The following PAM variants were observed in gnomAD, a reference collection of about 807,000 sequenced individuals.
The protein encoded by PAM is peptidyl-glycine alpha-amidating monooxygenase.
A neutral mutation model predicts 122.1 loss-of-function variants in PAM; 72 were observed. The ratio of observed to expected loss-of-function variants is 0.59; its 90% CI spans 0.49 to 0.72. The LOEUF (loss-of-function observed/expected upper bound fraction) is 0.72, where lower values mean the gene tolerates loss of function less well. Ranked by LOEUF, PAM falls within the 30% of genes least tolerant of loss-of-function variation. The pLI is 0.00. For synonymous variants in PAM, 389 were observed against 404.4 expected (o/e 0.96, Z 0.46); for missense variants, 1,106 against 1,183.7 (o/e 0.93, Z 0.96).
At chr5:102,840,712 C>T (rs958131297) in intron 1 of PAM, among the ~76,000 whole-genome samples, 2 of 152,152 alleles carry the variant, frequency 1.3e-5, no homozygotes, top group African/African-American at 2.4e-5. Flanking sequence ...TGATGCAGCC[C>T]CCATTCTCAT....
intron 1 of PAM, among the ~76,000 whole-genome samples, chr5:102,825,099 C>T (rs2150360262): frequency 6.6e-6 from 1 of 152,266 alleles, no homozygotes; most frequent in South Asian, 2.1e-4. Context: ...GGCTCCTGAC[C>T]TGTAACATTT....
intron 3 of PAM, among the ~76,000 whole-genome samples, chr5:102,896,737 A>G (rs1203098408): frequency 6.6e-6 from 1 of 151,720 alleles, no homozygotes; most frequent in African/African-American, 2.4e-5. Context: ...TAAGAAAAAG[A>G]AAACTGGGAA....
intron 1 of PAM, among the ~76,000 whole-genome samples, chr5:102,854,728 TA>T (rs531289407): frequency 1.3e-4 from 20 of 152,300 alleles, no homozygotes; most frequent in South Asian, 2.1e-4. Flanking sequence ...CACTTCTTCC[TA>T]AGCTCAAGAC....
intron 1 of PAM, among the ~76,000 whole-genome samples, chr5:102,758,079 T>TG (rs1751105525): frequency 1.6e-4 from 5 of 30,562 alleles, no homozygotes; most frequent in Non-Finnish European, 2.5e-4. Flanking sequence ...TTTTGTTTTT[T>TG]TTTTTTTTTT....
chr5:102,911,180 A>T (rs533796752), intron 4 of PAM, among the ~76,000 whole-genome samples: 1 of 151,978 alleles, frequency 6.6e-6, no homozygotes, highest in Non-Finnish European at 1.5e-5. Context: ...AATGAATTGT[A>T]CTTTGAGCTA....
At chr5:102,824,491 A>C (rs537173735) in intron 1 of PAM, among the ~76,000 whole-genome samples, 1 of 152,288 alleles carries the variant, frequency 6.6e-6, no homozygotes, top group South Asian at 2.1e-4. Context: ...AGAATCTCCA[A>C]GTTTTTGTCT....
intron 23 of PAM, among the ~76,000 whole-genome samples, chr5:103,021,418 G>T (rs1562271641): frequency 6.6e-6 from 1 of 152,114 alleles, no homozygotes; most frequent in Non-Finnish European, 1.5e-5. Context: ...ATTCTAGGTG[G>T]TACTGGTTGG....
chr5:102,804,381 A>G (rs770768587), intron 1 of PAM, among the ~76,000 whole-genome samples: 1 of 152,158 alleles, frequency 6.6e-6, no homozygotes, highest in Non-Finnish European at 1.5e-5. Context: ...AAGATGCCTG[A>G]TAAAGAAGAC....
chr5:102,978,242 C>T lies in PAM; in HGVS notation c.1483+3806C>T, dbSNP rs1046309207. ...TGGCAGTGTTTTATCACAGTGGGAACTTGTGGCTCTTCAAACATCTGATCA... is the reference window on the plus strand; with the variant it reads ...TGGCAGTGTTTTATCACAGTGGGAATTTGTGGCTCTTCAAACATCTGATCA... On this transcript the variant is annotated intron_variant, in intron 15 of 25. Coordinates refer to ENST00000438793, the MANE Select transcript of PAM (RefSeq NM_001177306.2). Among the ~76,000 whole-genome samples, 3 of 152,260 alleles carry T rather than the reference C, an allele frequency of 2.0e-5. No homozygotes were observed. In the South Asian group the frequency reaches 6.2e-4, roughly 32 times the overall value.
intron 1 of PAM, among the ~76,000 whole-genome samples, chr5:102,810,755 G>A (rs1331060553): frequency 6.6e-6 from 1 of 152,144 alleles, no homozygotes; most frequent in Non-Finnish European, 1.5e-5. Flanking sequence ...TTGAACCTGG[G>A]AGGCGGAGGT....
intron 7 of PAM, among the ~76,000 whole-genome samples, chr5:102,942,403 T>C (rs1210293763): frequency 6.6e-6 from 1 of 152,068 alleles, no homozygotes; most frequent in African/African-American, 2.4e-5. Context: ...CATCTATGTA[T>C]GTGTATTATT....
At chr5:102,912,072 C>CTTGAAACATTGTTTTGCA (rs1450787589) in intron 4 of PAM, among the ~76,000 whole-genome samples, 1 of 152,024 alleles carries the variant, frequency 6.6e-6, no homozygotes, top group Non-Finnish European at 1.5e-5. Context: ...TTAGCGGGTG[C>CTTGAAACATTGTTTTGCA]TTGAAACATT....
chr5:102,844,480 A>G (rs544289344), intron 1 of PAM, among the ~76,000 whole-genome samples: 30 of 152,178 alleles, frequency 2.0e-4, no homozygotes, highest in African/African-American at 6.7e-4. Context: ...CAGCCTGGGT[A>G]ACATAGCGAG....
chr5:102,860,876 A>G (rs1783980182), intron 1 of PAM, among the ~76,000 whole-genome samples: 1 of 152,270 alleles, frequency 6.6e-6, no homozygotes, highest in South Asian at 2.1e-4. Context: ...GCCAGCTTCC[A>G]AGCAGATGGT....
At chr5:102,899,629 G>A (rs556037077) in intron 3 of PAM, among the ~76,000 whole-genome samples, 2 of 151,716 alleles carry the variant, frequency 1.3e-5, no homozygotes, top group South Asian at 4.1e-4. Flanking sequence ...GAATATATTA[G>A]TATAATGCAC....
chr5:103,029,264 C>A lies in PAM; in HGVS notation c.*199C>A, dbSNP rs745731321. ...GTTTCCTAAAAGTTCATAACAGTGC[C>A]ATTGTCTTTATATGAACATAGACTA... On this transcript the variant is annotated 3_prime_UTR_variant, in exon 26 of 26. Coordinates refer to ENST00000438793, the MANE Select transcript of PAM (RefSeq NM_001177306.2). 1 of 418,724 alleles carries A rather than the reference C, an allele frequency of 2.4e-6. No homozygotes were observed. 25.9% of individuals were successfully genotyped at this position (418,724 alleles called of 1,614,324 possible). A position where few individuals can be genotyped will look rare whatever the true frequency, so the allele number is the denominator to read the frequency against.
chr5:102,820,106 C>A (rs1314485038), intron 1 of PAM, among the ~76,000 whole-genome samples: 2 of 152,074 alleles, frequency 1.3e-5, no homozygotes, highest in African/African-American at 4.8e-5. Flanking sequence ...TTCATGACTC[C>A]TTTTCTCCAA....
chr5:102,884,064 T>C (rs1792187857), intron 3 of PAM, among the ~76,000 whole-genome samples: 1 of 151,824 alleles, frequency 6.6e-6, no homozygotes, highest in African/African-American at 2.4e-5. Context: ...AATCCCAATA[T>C]ACATGTGTCT....
At chr5:102,935,681 T>C (rs1339588565) in intron 7 of PAM, among the ~76,000 whole-genome samples, 1 of 152,156 alleles carries the variant, frequency 6.6e-6, no homozygotes, top group Non-Finnish European at 1.5e-5. Flanking sequence ...GCACTAGATG[T>C]TTTCACACTT....
Sources: allele counts gnomAD v4.1 joint callset (sites outside exome capture counted in the v4.1 genomes callset), GRCh38; gene constraint gnomAD v4.1.1; transcripts MANE v1.5; gene names NCBI Gene and HGNC (gene_info 2026-07-23, HGNC 2026-07-21).